Variants in SIPA1L1 observed in about 807,000 individuals in gnomAD.
SIPA1L1 encodes signal-induced proliferation-associated 1-like protein 1.
In SIPA1L1, 26 loss-of-function variants were observed where a neutral mutation model predicts 162.7. That is an observed-to-expected ratio of 0.16 (90% confidence interval 0.12 to 0.22). The LOEUF (loss-of-function observed/expected upper bound fraction) is 0.22. SIPA1L1 is among the 10% of genes least tolerant of loss of function. SIPA1L1 has a pLI of 1.00. For synonymous variants in SIPA1L1, 829 were observed against 837.4 expected, an observed-to-expected ratio of 0.99 and a Z score of 0.17; for missense variants, 1,874 against 2,241.0, an observed-to-expected ratio of 0.84 and a Z score of 3.31.
chr14:71,349,925 T>G (rs1358270663), intron 2 of SIPA1L1, among the ~76,000 whole-genome samples: 2 of 152,114 alleles, frequency 1.3e-5, no homozygotes, highest in African/African-American at 4.8e-5. Flanking sequence ...CTTGTGACAC[T>G]GGGGAGGATG....
At chr14:71,446,723 A>G (rs2045372089) in intron 2 of SIPA1L1, among the ~76,000 whole-genome samples, 1 of 152,042 alleles carries the variant, frequency 6.6e-6, no homozygotes, top group Non-Finnish European at 1.5e-5. Flanking sequence ...GATAAGAATT[A>G]TTAGGTCAGA....
At chr14:71,708,015 G>GTTTTTTTTTTTTGGT (rs2082584782) in intron 16 of SIPA1L1, among the ~76,000 whole-genome samples, 1 of 100,302 alleles carries the variant, frequency 1.0e-5, no homozygotes, top group Admixed American at 1.1e-4. Context: ...GTTTTTTGGT[G>GTTTTTTTTTTTTGGT]TTTTTTTTTT....
intron 2 of SIPA1L1, among the ~76,000 whole-genome samples, chr14:71,427,642 A>G (rs1010371948): frequency 2.6e-5 from 4 of 151,768 alleles, no homozygotes; most frequent in Admixed American, 6.6e-5. Flanking sequence ...GATCATTTTC[A>G]TTGTCCTCTC....
intron 2 of SIPA1L1, among the ~76,000 whole-genome samples, chr14:71,432,310 CA>C (rs1267077334): frequency 6.6e-6 from 1 of 151,996 alleles, no homozygotes; most frequent in Non-Finnish European, 1.5e-5. Context: ...TGGGCTCAAG[CA>C]ATCCTCCTGC....
At chr14:71,410,770 G>T (rs1192923304) in intron 2 of SIPA1L1, among the ~76,000 whole-genome samples, 1 of 152,100 alleles carries the variant, frequency 6.6e-6, no homozygotes, top group African/African-American at 2.4e-5. Context: ...GGGGGGTAAG[G>T]TTAGCTATAG....
At chr14:71,446,040 A>T (rs2045317661) in intron 2 of SIPA1L1, among the ~76,000 whole-genome samples, 2 of 151,996 alleles carry the variant, frequency 1.3e-5, no homozygotes, top group Admixed American at 1.3e-4. Context: ...TAGAAGATGG[A>T]ATCTCACTGT....
At chr14:71,502,255 A>AAAATATAT (rs67020418) in intron 2 of SIPA1L1, among the ~76,000 whole-genome samples, 15 of 97,548 alleles carry the variant, frequency 1.5e-4, no homozygotes, top group African/African-American at 5.9e-4. Context: ...AAAAAAAAAA[A>AAAATATAT]ATATATATAT....
intron 4 of SIPA1L1, among the ~76,000 whole-genome samples, chr14:71,529,866 T>C (rs1302434984): frequency 6.6e-6 from 1 of 152,210 alleles, no homozygotes; most frequent in Non-Finnish European, 1.5e-5. Flanking sequence ...CTGGAGCTTC[T>C]GGCAGAAGGC....
intron 2 of SIPA1L1, among the ~76,000 whole-genome samples, chr14:71,468,005 GGT>G (rs56265408): frequency 0.23 from 32,971 of 141,492 alleles, 3,740 homozygotes; most frequent in Middle Eastern, 0.3. Flanking sequence ...CAGTTAGAGG[GGT>G]GTGTGTGTGT....
intron 2 of SIPA1L1, chr14:71,418,250 T>A (rs1383848096): frequency 6.6e-6 from 1 of 152,244 alleles, no homozygotes; most frequent in African/African-American, 2.4e-5. Context: ...TATTTCTTAA[T>A]ACCTGATTAT....
At chr14:71,585,111 A>T (rs2147440158) in intron 4 of SIPA1L1, among the ~76,000 whole-genome samples, 1 of 142,752 alleles carries the variant, frequency 7.0e-6, no homozygotes, top group East Asian at 2.4e-4. Flanking sequence ...TTGTACCCCA[A>T]AGGGGTTTGA....
chr14:71,703,029 G>C (rs2082198057), intron 15 of SIPA1L1, among the ~76,000 whole-genome samples: 1 of 152,210 alleles, frequency 6.6e-6, no homozygotes. Context: ...CTGGGTGGAA[G>C]AGATTTGCAT....
chr14:71,379,769 T>G (rs1316941356), intron 2 of SIPA1L1, among the ~76,000 whole-genome samples: 1 of 152,266 alleles, frequency 6.6e-6, no homozygotes, highest in East Asian at 1.9e-4. Context: ...TTGCTGTAGA[T>G]TTCATTTACA....
chr14:71,650,615 C>G (rs1462960464), intron 8 of SIPA1L1, 106 bp downstream of exon 8: 2 of 1,060,346 alleles, frequency 1.9e-6, no homozygotes, highest in African/African-American at 3.1e-5. Context: ...TCGCAGAACA[C>G]TGCTGGTGAT....
rs1327737227 is a variant in SIPA1L1, at chr14:71,637,087, T to TA, written c.1818+12860dup. ...AAAAAACAGCTACATCTTTGGGGTTTAAAAAAAAATTTTTTTTTTTTCATA... is the reference window on the plus strand; with the variant it reads ...AAAAAACAGCTACATCTTTGGGGTTTAAAAAAAAAATTTTTTTTTTTTCATA... On this transcript the variant is annotated intron_variant, in intron 7 of 23. Transcript: ENST00000381232. 1.3e-4 allele frequency among the ~76,000 whole-genome samples: 17 copies of TA among 125,996 alleles called. No individual in the cohort carries two copies. In the East Asian group the frequency reaches 1.6e-3, roughly 12 times the overall value. 82.7% of individuals were successfully genotyped at this position (125,996 alleles called of 152,430 possible). A position where few individuals can be genotyped will look rare whatever the true frequency, so the allele number is the denominator to read the frequency against.
intron 2 of SIPA1L1, among the ~76,000 whole-genome samples, chr14:71,459,590 G>A (rs1425019499): frequency 2.0e-5 from 3 of 152,186 alleles, no homozygotes; most frequent in Non-Finnish European, 4.4e-5. Flanking sequence ...AGAACTTGGA[G>A]TCTGATGTTC....
chr14:71,652,656 TC>T (rs2042726199), intron 8 of SIPA1L1, among the ~76,000 whole-genome samples: 2 of 152,028 alleles, frequency 1.3e-5, no homozygotes, highest in Admixed American at 6.6e-5. Flanking sequence ...CCTTTTTTTT[TC>T]CTTCTGTGCT....
intron 13 of SIPA1L1, among the ~76,000 whole-genome samples, chr14:71,691,156 A>G (rs549082369): frequency 6.6e-6 from 1 of 152,348 alleles, no homozygotes; most frequent in East Asian, 1.9e-4. Context: ...ACTGTTGCCA[A>G]CAGCCTCTAG....
At position 71,562,523 on chromosome 14, in the gene SIPA1L1, A is replaced by T. The variant is rs185548105; in HGVS notation, c.-302-25048A>T. Among the ~76,000 whole-genome samples the T allele has an allele frequency of 2.6e-5, 4 of 152,318 alleles. No homozygotes were observed. The East Asian group carries it at 5.8e-4, about 22-fold the overall frequency. On this transcript the variant is annotated intron_variant, in intron 4 of 23. Transcript: ENST00000381232. ...ATAATGTATCCAAAGTTGCTATTAA[A>T]GTGTTCAGCACATAATAAATGCTCA... is the stretch of plus-strand genomic sequence containing the variant.
Sources: allele counts gnomAD v4.1 joint callset (sites outside exome capture counted in the v4.1 genomes callset), GRCh38; gene constraint gnomAD v4.1.1; transcripts MANE v1.5; gene names NCBI Gene and HGNC (gene_info 2026-07-23, HGNC 2026-07-21).